Variants in SRSF11 observed in about 807,000 individuals in gnomAD.
The protein encoded by SRSF11 is serine and arginine rich splicing factor 11.
In SRSF11, 9 loss-of-function variants were observed where a neutral mutation model predicts 56.0. The ratio of observed to expected loss-of-function variants is 0.16; its 90% confidence interval spans 0.10 to 0.28. The LOEUF is 0.28. Ranked by LOEUF, SRSF11 falls within the 10% of genes least tolerant of loss-of-function variation. The pLI is 1.00. For missense variants in SRSF11, 421 were observed against 600.7 expected, an observed-to-expected ratio of 0.70 and a Z score of 3.13; for synonymous variants, 222 against 215.3, an observed-to-expected ratio of 1.03 and a Z score of -0.27.
At chr1:70,215,672 C>T (rs1247799080) in intron 1 of SRSF11, among the ~76,000 whole-genome samples, 2 of 152,226 alleles carry the variant, frequency 1.3e-5, no homozygotes, top group Admixed American at 1.3e-4. Flanking sequence ...ATTGGGAGGA[C>T]TCCACTGTCT....
chr1:70,216,542 CCACTT>C (rs1254974867), upstream of SRSF11, among the ~76,000 whole-genome samples: 1 of 151,974 alleles, frequency 6.6e-6, no homozygotes, highest in East Asian at 1.9e-4. Context: ...AGGTGATCCT[CCACTT>C]CAGCCTCCCA....
intron 1 of SRSF11, among the ~76,000 whole-genome samples, chr1:70,214,414 A>G (rs1669822728): frequency 6.6e-6 from 1 of 152,196 alleles, no homozygotes; most frequent in Non-Finnish European, 1.5e-5. Context: ...ATAGCTGAGA[A>G]TACTGTGTAT....
intron 6 of SRSF11, 99 bp downstream of exon 6, chr1:70,237,651 T>C (rs1207990946): frequency 6.7e-7 from 1 of 1,485,470 alleles, no homozygotes; most frequent in Non-Finnish European, 9.1e-7. Context: ...TCGTTTAAAA[T>C]GTTGTAAACT....
At chr1:70,235,440 G>A in intron 4 of SRSF11, 61 bp from the exon 5 acceptor site, 1 of 1,423,720 alleles carries the variant, frequency 7.0e-7, no homozygotes, top group African/African-American at 1.4e-5. Flanking sequence ...TTTCTGCCTA[G>A]AAAATATCGG....
At chr1:70,210,801 T>TC (rs1381805328) in intron 1 of SRSF11, among the ~76,000 whole-genome samples, 1 of 152,094 alleles carries the variant, frequency 6.6e-6, no homozygotes, top group Non-Finnish European at 1.5e-5. Context: ...AAAATTTTTT[T>TC]CCCTCTTATA....
chr1:70,220,050 T>C (rs1460417015), upstream of SRSF11, among the ~76,000 whole-genome samples: 1 of 152,240 alleles, frequency 6.6e-6, no homozygotes, highest in African/African-American at 2.4e-5. Flanking sequence ...CATTAAGGTA[T>C]ATTTGTGCGT....
chr1:70,234,686 C>A lies in SRSF11; in HGVS notation c.448-10C>A. On this transcript the variant is annotated splice_polypyrimidine_tract_variant and intron_variant, in intron 3 of 11. Transcript: ENST00000370949. ...GAAGTTTTAAATAAATAAAATTTGCCATTTCACAGATTGGCGCTGTTCCAC... is the reference window on the plus strand; with the variant it reads ...GAAGTTTTAAATAAATAAAATTTGCAATTTCACAGATTGGCGCTGTTCCAC... 7 of 1,582,592 alleles carry A rather than the reference C, an allele frequency of 4.4e-6. No homozygotes were observed. Among genetic ancestry groups the A allele is most frequent in the Non-Finnish European group, 6.0e-6 (7 of 1,170,078 alleles).
Position 70,232,368 on chromosome 1 carries a change from A to G in SRSF11, c.438A>G (p.Pro146=), listed in dbSNP as rs746958706. 3 of 1,612,370 alleles carry G rather than the reference A, an allele frequency of 1.9e-6. No homozygotes were observed. The highest frequency in any genetic ancestry group is 1.1e-5 in the South Asian group (1 of 90,776). Residue 146 remains proline (P), a synonymous_variant, in exon 3 of 12, where the codon CCA becomes CCG. Coordinates refer to ENST00000370949, the MANE Select transcript of SRSF11 (RefSeq NM_001350605.2). ...PGGGLLPTPN[P]LTQIGAVPLA... ...GTGGACTCCTGCCTACTCCTAACCC[A>G]CTTACCCAGGTACTAGTTCTATTGA...
intron 1 of SRSF11, among the ~76,000 whole-genome samples, chr1:70,211,659 A>AT (rs573284135): frequency 1.3e-5 from 2 of 151,434 alleles, no homozygotes; most frequent in East Asian, 1.9e-4. Context: ...ACTGCTCACA[A>AT]TTTTTTTTTC....
At chr1:70,249,134 AAGC>A (rs1677416407) in intron 9 of SRSF11, 1 of 152,160 alleles carries the variant, frequency 6.6e-6, no homozygotes, top group African/African-American at 2.4e-5. Flanking sequence ...TAATTGGTGA[AAGC>A]AGGGTTTTGG....
rs550928535 is a variant in SRSF11, at chr1:70,250,039, C to T, written c.1110C>T (p.Ser370=). 1.9e-6 allele frequency: 3 copies of T among 1,611,016 alleles called. No individual in the cohort carries two copies. The African/African-American group carries it at 4.0e-5, about 22-fold the overall frequency. ...SPKRKLSRSP[S]PRRHKKEKKK... ...AAAGAAAATTGTCCCGCTCACCATC[C>T]CCTAGGAGGTAAGAATGTTAATCAT... The change falls in exon 10 of 12, where the codon TCC becomes TCT. Residue 370 remains serine (S), a synonymous_variant. Coordinates refer to ENST00000370949, the MANE Select transcript of SRSF11 (RefSeq NM_001350605.2).
In SRSF11 at chr1:70,229,968, AAG is replaced by A; in HGVS notation, c.337+1415_337+1416del. On this transcript the variant is annotated intron_variant, in intron 2 of 11. Coordinates refer to ENST00000370949, the MANE Select transcript of SRSF11 (RefSeq NM_001350605.2). Reference sequence around the variant, plus strand: ...TATGTCAGTGTGCCTGTTGTAGGATAAGACCATCAACAGAAAATTTACAGAAT... The same window carrying A: ...TATGTCAGTGTGCCTGTTGTAGGATAACCATCAACAGAAAATTTACAGAAT... 3.0e-6 allele frequency: 3 copies of A among 985,344 alleles called. No individual in the cohort carries two copies. In the African/African-American group the frequency reaches 5.2e-5, roughly 17 times the overall value. 61.0% of individuals were successfully genotyped at this position (985,344 alleles called of 1,614,324 possible).
chr1:70,222,452 G>C (rs904871679), intron 1 of SRSF11, among the ~76,000 whole-genome samples: 4 of 152,194 alleles, frequency 2.6e-5, no homozygotes, highest in African/African-American at 9.6e-5. Context: ...ATATTTCACA[G>C]TTGTTCTTGA....
At chr1:70,220,738 T>G (rs1410334488), upstream of SRSF11, 1 of 152,046 alleles carries the variant, frequency 6.6e-6, no homozygotes, top group Admixed American at 6.5e-5. Flanking sequence ...TAATCCCAGC[T>G]ACTCCCGAGG....
intron 3 of SRSF11, among the ~76,000 whole-genome samples, chr1:70,234,225 T>C (rs1673451793): frequency 6.6e-6 from 1 of 152,136 alleles, no homozygotes; most frequent in Non-Finnish European, 1.5e-5. Context: ...TCTTTCCAAA[T>C]GAAGTCTTAT....
chr1:70,221,275 C>T (rs1050892038), upstream of SRSF11: 4 of 273,108 alleles, frequency 1.5e-5, no homozygotes, highest in East Asian at 6.7e-5. Flanking sequence ...GACCCCGGTG[C>T]CTCTCATTTC....
upstream of SRSF11, among the ~76,000 whole-genome samples, chr1:70,217,147 T>G (rs1206980770): frequency 6.6e-6 from 1 of 152,028 alleles, no homozygotes; most frequent in African/African-American, 2.4e-5. Flanking sequence ...GTGTTTTTTT[T>G]GTTGTTGTTT....
chr1:70,215,278 G>GA (rs1035125855), intron 1 of SRSF11, among the ~76,000 whole-genome samples: 1 of 151,726 alleles, frequency 6.6e-6, no homozygotes, highest in Non-Finnish European at 1.5e-5. Flanking sequence ...AGCTAAAGGG[G>GA]AAAAAAAATA....
chr1:70,224,433 C>CT (rs1300272940), intron 1 of SRSF11, among the ~76,000 whole-genome samples: 9 of 152,168 alleles, frequency 5.9e-5, no homozygotes, highest in Non-Finnish European at 1.0e-4. Context: ...CTTAACACTA[C>CT]TTTTTTTCTA....
Sources: gnomAD v4.1 joint callset for allele counts (sites outside exome capture counted in the v4.1 genomes callset) on GRCh38, gnomAD v4.1.1 for gene constraint, MANE v1.5 for transcripts, NCBI Gene and HGNC (gene_info 2026-07-23, HGNC 2026-07-21) for gene names.